The following RALYL variants were observed in gnomAD, a reference collection of about 807,000 sequenced individuals.
RALYL encodes RALY RNA binding protein like, also known as RNA-binding Raly-like protein.
Under a neutral mutation model 35.1 loss-of-function variants are expected in RALYL, and 29 were observed. The ratio of observed to expected loss-of-function variants is 0.83; its 90% CI spans 0.61 to 1.13. RALYL has a LOEUF of 1.13. RALYL is among the 50% of genes most tolerant of loss of function. RALYL has a pLI of 0.00. For synonymous variants in RALYL, 120 were observed against 127.6 expected (o/e 0.94, Z 0.40); for missense variants, 359 against 360.4 (o/e 1.00, Z 0.03).
chr8:84,227,017 A>G (rs1173356901), intron 1 of RALYL, among the ~76,000 whole-genome samples: 7 of 75,246 alleles, frequency 9.3e-5, no homozygotes, highest in Admixed American at 8.7e-4. Flanking sequence ...ACATGTTTAT[A>G]TTTTTTTCTG....
At chr8:84,650,083 T>A (rs1048504767) in intron 2 of RALYL, among the ~76,000 whole-genome samples, 1 of 151,694 alleles carries the variant, frequency 6.6e-6, no homozygotes, top group Non-Finnish European at 1.5e-5. Context: ...CTCTCTGTTT[T>A]TCTGTTATTG....
chr8:84,516,563 A>G (rs1290780050), intron 1 of RALYL, among the ~76,000 whole-genome samples: 1 of 152,130 alleles, frequency 6.6e-6, no homozygotes, highest in Admixed American at 6.5e-5. Flanking sequence ...TGACAACTCT[A>G]TTGGACCAAA....
At chr8:84,772,391 A>G (rs1207342935) in intron 2 of RALYL, among the ~76,000 whole-genome samples, 2 of 152,134 alleles carry the variant, frequency 1.3e-5, no homozygotes, top group Admixed American at 6.5e-5. Flanking sequence ...CATATACATA[A>G]AAAATATTGG....
At chr8:84,705,373 C>T (rs754594541) in intron 2 of RALYL, among the ~76,000 whole-genome samples, 7 of 152,094 alleles carry the variant, frequency 4.6e-5, no homozygotes, top group Non-Finnish European at 7.4e-5. Context: ...ACATAGTAGG[C>T]ACTCAACAAG....
chr8:84,305,878 A>C (rs1017962144), intron 1 of RALYL, among the ~76,000 whole-genome samples: 36 of 152,206 alleles, frequency 2.4e-4, no homozygotes, highest in African/African-American at 8.7e-4. Flanking sequence ...TTGAGGAAGA[A>C]AACAAAGAGT....
intron 2 of RALYL, among the ~76,000 whole-genome samples, chr8:84,549,556 C>T (rs2060581222): frequency 6.6e-6 from 1 of 152,198 alleles, no homozygotes. Context: ...TGTTTTGCCT[C>T]TCCCCTGATA....
intron 2 of RALYL, among the ~76,000 whole-genome samples, chr8:84,588,460 A>T (rs1288076489): frequency 6.6e-6 from 1 of 152,142 alleles, no homozygotes; most frequent in Non-Finnish European, 1.5e-5. Context: ...TGCACTTAGG[A>T]AACTGCAGTA....
intron 2 of RALYL, among the ~76,000 whole-genome samples, chr8:84,725,070 T>G (rs2132702422): frequency 6.6e-6 from 1 of 151,770 alleles, no homozygotes; most frequent in African/African-American, 2.4e-5. Flanking sequence ...TTCAATTATA[T>G]GTAATTAATG....
At chr8:84,466,795 T>G (rs1316683986) in intron 1 of RALYL, among the ~76,000 whole-genome samples, 1 of 151,826 alleles carries the variant, frequency 6.6e-6, no homozygotes, top group Non-Finnish European at 1.5e-5. Flanking sequence ...GTTGGTAAGC[T>G]ATTGATTATT....
intron 1 of RALYL, among the ~76,000 whole-genome samples, chr8:84,479,980 T>G (rs182325838): frequency 2.0e-4 from 31 of 152,300 alleles, no homozygotes; most frequent in Non-Finnish European, 4.0e-4. Context: ...AAAGCTGATT[T>G]GAGCAAATGG....
intron 2 of RALYL, among the ~76,000 whole-genome samples, chr8:84,560,073 T>C (rs1299172653): frequency 6.6e-6 from 1 of 151,648 alleles, no homozygotes; most frequent in African/African-American, 2.4e-5. Context: ...ATAATTTCCA[T>C]GAGAAGACTG....
intron 1 of RALYL, among the ~76,000 whole-genome samples, chr8:84,298,148 G>A (rs1389691475): frequency 1.3e-5 from 2 of 151,610 alleles, no homozygotes; most frequent in African/African-American, 4.8e-5. Context: ...GTTTTCTTCT[G>A]GGGTTTGTAT....
At chr8:84,311,734 TGAAGGGA>T (rs1842855622) in intron 1 of RALYL, among the ~76,000 whole-genome samples, 1 of 152,120 alleles carries the variant, frequency 6.6e-6, no homozygotes. Context: ...TGAAGAGTAA[TGAAGGGA>T]AGCTAGCCAT....
rs555709113 is a variant in RALYL at position 84,701,950 on chromosome 8, G to A, written c.257-72629G>A. On this transcript the variant is annotated intron_variant, in intron 2 of 8. Coordinates refer to ENST00000521268, the MANE Select transcript of RALYL (RefSeq NM_173848.7). The stretch of plus-strand genomic sequence containing the variant: ...ACTGTCTCTGGAGAAATATTAGCCA[G>A]ATTTTAATCAGGACACTATGTCTCG... 7.9e-4 allele frequency among the ~76,000 whole-genome samples: 115 copies of A among 146,346 alleles called. 2 individuals are homozygous for A. The highest frequency in any genetic ancestry group is 2.8e-3 in the African/African-American group (111 of 39,776).
chr8:84,213,739 A>C (rs1362817391), intron 1 of RALYL, among the ~76,000 whole-genome samples: 1 of 152,204 alleles, frequency 6.6e-6, no homozygotes, highest in East Asian at 1.9e-4. Flanking sequence ...CATTAATTAC[A>C]GAGAAGTATT....
intron 1 of RALYL, among the ~76,000 whole-genome samples, chr8:84,270,588 A>G (rs1834115834): frequency 6.8e-6 from 1 of 147,024 alleles, no homozygotes; most frequent in Admixed American, 7.0e-5. Flanking sequence ...GTGTGTATGT[A>G]TGTATAATTT....
chr8:84,293,170 G>A (rs1180792951), intron 1 of RALYL, among the ~76,000 whole-genome samples: 1 of 152,132 alleles, frequency 6.6e-6, no homozygotes, highest in Non-Finnish European at 1.5e-5. Context: ...ACTCAAAGCA[G>A]AGAATAACTA....
intron 2 of RALYL, among the ~76,000 whole-genome samples, chr8:84,597,945 T>C (rs1360889821): frequency 6.6e-6 from 1 of 152,152 alleles, no homozygotes; most frequent in Admixed American, 6.5e-5. Context: ...GACTATTGCA[T>C]CATTTCTCGA....
chr8:84,441,454 G>T (rs1014984987), intron 1 of RALYL, among the ~76,000 whole-genome samples: 1 of 152,084 alleles, frequency 6.6e-6, no homozygotes, highest in Non-Finnish European at 1.5e-5. Context: ...TAGAAAAGTA[G>T]TTGTGATGTT....
Sources: allele counts gnomAD v4.1 joint callset (sites outside exome capture counted in the v4.1 genomes callset), GRCh38; gene constraint gnomAD v4.1.1; transcripts MANE v1.5; gene names NCBI Gene and HGNC (gene_info 2026-07-23, HGNC 2026-07-21).